NAV2: variants seen among roughly 807,000 people sequenced by gnomAD.
NAV2 encodes the protein neuron navigator 2, also known as helicase, APC down-regulated 1.
NAV2 carries 54 observed loss-of-function variants against 223.2 expected under a neutral mutation model. The observed-to-expected ratio is 0.24, with a 90% CI of 0.19 to 0.30. NAV2 has a LOEUF of 0.30. Among genes scored for constraint, NAV2 ranks in the 10% least tolerant of loss-of-function variants. The pLI is 1.00. For synonymous variants in NAV2, 1,279 were observed against 1,239.3 expected, an observed-to-expected ratio of 1.03 and a Z score of -0.67; for missense variants, 2,806 against 3,147.5, an observed-to-expected ratio of 0.89 and a Z score of 2.60.
At chr11:19,648,287 A>G (rs796418269) in intron 1 of NAV2, among the ~76,000 whole-genome samples, 5 of 152,362 alleles carry the variant, frequency 3.3e-5, no homozygotes, top group African/African-American at 1.2e-4. Flanking sequence ...TATATAAAAT[A>G]CTATGTAATG....
chr11:20,077,507 T>G (rs1016179194), intron 22 of NAV2, 45 bp from the exon 23 acceptor site: 22 of 1,476,100 alleles, frequency 1.5e-5, no homozygotes, highest in Non-Finnish European at 1.9e-5. Flanking sequence ...CTAAGCACTC[T>G]TGCCTTGCAA....
At chr11:19,353,626 A>T (rs1362215061) in intron 1 of NAV2, among the ~76,000 whole-genome samples, 1 of 152,220 alleles carries the variant, frequency 6.6e-6, no homozygotes, top group Non-Finnish European at 1.5e-5. Flanking sequence ...GGACTTTGGC[A>T]CTTGGTAAAT....
chr11:19,800,352 G>A (rs955758849), intron 1 of NAV2, among the ~76,000 whole-genome samples: 20 of 152,192 alleles, frequency 1.3e-4, no homozygotes, highest in African/African-American at 4.8e-4. Flanking sequence ...TGGCTTCCAG[G>A]AGGCCAGGCA....
At chr11:20,112,526 C>T (rs555159120) in intron 36 of NAV2, among the ~76,000 whole-genome samples, 1 of 152,280 alleles carries the variant, frequency 6.6e-6, no homozygotes, top group South Asian at 2.1e-4. Flanking sequence ...CCAGATGGCA[C>T]AGACAGTCAT....
intron 1 of NAV2, among the ~76,000 whole-genome samples, chr11:19,777,102 C>CG (rs1269338272): frequency 6.6e-6 from 1 of 150,762 alleles, no homozygotes; most frequent in Non-Finnish European, 1.5e-5. Flanking sequence ...GACCCCCCCC[C>CG]CCACCCCGCC....
intron 1 of NAV2, among the ~76,000 whole-genome samples, chr11:19,602,745 C>T (rs2046381267): frequency 6.6e-6 from 1 of 152,108 alleles, no homozygotes; most frequent in South Asian, 2.1e-4. Flanking sequence ...TTCGCCTGGC[C>T]CCCTCCTCTG....
Position 19,937,648 on chromosome 11 carries a change from G to A in NAV2, c.2034-2013G>A, listed in dbSNP as rs543142488. ...AGTTTTGCATGGCTAACAAGTTATA[G>A]ATCTTAGACCTGGAGCTAGTCGAAT... is the stretch of plus-strand genomic sequence containing the variant. On this transcript the variant is annotated intron_variant, in intron 7 of 37. Coordinates refer to ENST00000349880, the MANE Select transcript of NAV2 (RefSeq NM_145117.5). Among the ~76,000 whole-genome samples the A allele has an allele frequency of 3.3e-5, 5 of 152,332 alleles. No individual in the cohort carries two copies. The East Asian group carries it at 9.7e-4, about 29-fold the overall frequency.
chr11:19,373,981 C>G (rs891480680), intron 1 of NAV2, among the ~76,000 whole-genome samples: 4 of 152,160 alleles, frequency 2.6e-5, no homozygotes, highest in Non-Finnish European at 5.9e-5. Flanking sequence ...TGTATGAAAA[C>G]AAGGCATTGA....
intron 10 of NAV2, among the ~76,000 whole-genome samples, chr11:19,956,546 A>G (rs1196748277): frequency 3.9e-5 from 6 of 152,280 alleles, no homozygotes; most frequent in Admixed American, 2.0e-4. Flanking sequence ...CAGAGAACTC[A>G]GGGGAACACT....
At chr11:20,019,400 G>A (rs2054295150) in intron 11 of NAV2, among the ~76,000 whole-genome samples, 2 of 152,150 alleles carry the variant, frequency 1.3e-5, no homozygotes, top group Admixed American at 1.3e-4. Flanking sequence ...GAGTGGGGGT[G>A]CGGACACATT....
chr11:20,117,118 T>C (rs1019255653), intron 37 of NAV2, among the ~76,000 whole-genome samples: 1 of 152,192 alleles, frequency 6.6e-6, no homozygotes, highest in African/African-American at 2.4e-5. Flanking sequence ...GCACCACATC[T>C]TGGCCCTAGC....
At chr11:19,356,879 T>G (rs1853652003) in intron 1 of NAV2, among the ~76,000 whole-genome samples, 1 of 152,246 alleles carries the variant, frequency 6.6e-6, no homozygotes, top group Non-Finnish European at 1.5e-5. Flanking sequence ...TTTCTGGACC[T>G]GATTTTAATG....
chr11:20,069,019 G>C (rs1371657917), intron 22 of NAV2, among the ~76,000 whole-genome samples: 1 of 152,012 alleles, frequency 6.6e-6, no homozygotes, highest in Non-Finnish European at 1.5e-5. Flanking sequence ...TTAAGATAAA[G>C]GGAGGAGGTG....
chr11:19,436,513 C>T (rs1851221281), intron 1 of NAV2, among the ~76,000 whole-genome samples: 1 of 152,082 alleles, frequency 6.6e-6, no homozygotes, highest in Non-Finnish European at 1.5e-5. Flanking sequence ...AGTGTGATGC[C>T]ACCAAGCTTT....
At chr11:19,832,031 A>G (rs191320084) in intron 1 of NAV2, among the ~76,000 whole-genome samples, 5 of 152,342 alleles carry the variant, frequency 3.3e-5, no homozygotes, top group East Asian at 3.9e-4. Flanking sequence ...GAATAGCTCA[A>G]TAGCCCTCCT....
chr11:19,582,546 G>C (rs1203015443), intron 1 of NAV2, among the ~76,000 whole-genome samples: 1 of 152,132 alleles, frequency 6.6e-6, no homozygotes, highest in Non-Finnish European at 1.5e-5. Flanking sequence ...TTTTGTATAA[G>C]GTGTAAGGAA....
chr11:20,076,673 G>A (rs2059775490), intron 22 of NAV2, among the ~76,000 whole-genome samples: 1 of 152,116 alleles, frequency 6.6e-6, no homozygotes, highest in Admixed American at 6.6e-5. Flanking sequence ...TAGTGTTAGG[G>A]CACAAAGTTA....
At chr11:20,031,476 C>A (rs1025075977) in intron 11 of NAV2, among the ~76,000 whole-genome samples, 1 of 152,146 alleles carries the variant, frequency 6.6e-6, no homozygotes, top group African/African-American at 2.4e-5. Context: ...AAACAAGTTA[C>A]GTTTCCCCAT....
At position 19,832,473 on chromosome 11, in the gene NAV2, T is replaced by C; in HGVS notation, c.268-11T>C. On this transcript the variant is annotated splice_polypyrimidine_tract_variant and intron_variant, in intron 1 of 37. Coordinates refer to ENST00000349880, the MANE Select transcript of NAV2 (RefSeq NM_145117.5). ...TGGCTTCCTAAAGTTGCCTGTTTGC[T>C]TTTTTTACAGATCTACACAGACTGG... 2.6e-6 allele frequency: 4 copies of C among 1,566,768 alleles called. No homozygotes were observed. The Admixed American group carries it at 5.3e-5, about 21-fold the overall frequency.
Sources: allele counts gnomAD v4.1 joint callset (sites outside exome capture counted in the v4.1 genomes callset), GRCh38; gene constraint gnomAD v4.1.1; transcripts MANE v1.5; gene names NCBI Gene and HGNC (gene_info 2026-07-23, HGNC 2026-07-21).